The following PDZRN4 variants were observed in gnomAD, a reference collection of about 807,000 sequenced individuals.
PDZRN4 encodes the protein PDZ domain containing ring finger 4, also known as PDZ domain-containing RING finger protein 4.
Under a neutral mutation model 99.0 loss-of-function variants are expected in PDZRN4, and 70 were observed. That is an observed-to-expected ratio of 0.71 (90% CI 0.58 to 0.86). The LOEUF (loss-of-function observed/expected upper bound fraction) is 0.86. Ranked by LOEUF, PDZRN4 falls within the 40% of genes least tolerant of loss-of-function variation. The pLI is 0.00. For missense variants in PDZRN4, 1,474 were observed against 1,331.2 expected (o/e 1.11, Z -1.67); for synonymous variants, 551 against 501.6 (o/e 1.10, Z -1.32).
At chr12:41,440,402 C>T (rs1952668671) in intron 3 of PDZRN4, among the ~76,000 whole-genome samples, 1 of 152,042 alleles carries the variant, frequency 6.6e-6, no homozygotes, top group African/African-American at 2.4e-5. Flanking sequence ...AACTTTTCCA[C>T]GTTTTCTTTC....
Position 41,539,097 on chromosome 12 carries a change from G to GTA in PDZRN4, c.1204-13547_1204-13546dup, listed in dbSNP as rs150428112. On this transcript the variant is annotated intron_variant, in intron 5 of 9. Transcript: ENST00000402685. ...TTATGCCAATAAGTGATATATGTGT[G>GTA]TATATATATATATTATGCGTAAATA... is the stretch of plus-strand genomic sequence containing the variant. Among the ~76,000 whole-genome samples, 1,342 of 150,852 alleles carry GTA rather than the reference G, an allele frequency of 8.9e-3. 51 individuals carry two copies. In the East Asian group the frequency reaches 0.14, roughly 15 times the overall value.
At chr12:41,319,522 G>A (rs1192953618) in intron 3 of PDZRN4, among the ~76,000 whole-genome samples, 4 of 151,970 alleles carry the variant, frequency 2.6e-5, no homozygotes, top group Admixed American at 6.6e-5. Context: ...ACCAGCCACC[G>A]CTCCTCCTCA....
At position 41,570,579 on chromosome 12, in the gene PDZRN4, G is replaced by A. The variant is rs11181010; in HGVS notation, c.1585-1785G>A. On this transcript the variant is annotated intron_variant, in intron 9 of 9. Transcript: ENST00000402685. The stretch of plus-strand genomic sequence containing the variant: ...TTTGTCATTATTATGTCATCTGCAT[G>A]TAAAATAAGAAAAAAATTACTAGTC... Among the ~76,000 whole-genome samples the A allele has an allele frequency of 8.0e-3, 1,213 of 152,138 alleles. 44 individuals carry two copies. The East Asian group carries it at 0.14, about 17-fold the overall frequency.
chr12:41,322,684 G>A (rs902373208), intron 3 of PDZRN4, among the ~76,000 whole-genome samples: 1 of 151,550 alleles, frequency 6.6e-6, no homozygotes, highest in Admixed American at 6.6e-5. Flanking sequence ...TTTTAGTAGA[G>A]ACAGGTTTTC....
chr12:41,563,083 G>A (rs1008096921), intron 7 of PDZRN4, among the ~76,000 whole-genome samples: 3 of 152,184 alleles, frequency 2.0e-5, no homozygotes, highest in African/African-American at 7.2e-5. Flanking sequence ...AATGCAATCA[G>A]CAGTGGCCTG....
At chr12:41,430,477 A>AAAAG (rs370641578) in intron 3 of PDZRN4, among the ~76,000 whole-genome samples, 1 of 151,994 alleles carries the variant, frequency 6.6e-6, no homozygotes, top group Non-Finnish European at 1.5e-5. Context: ...AAAAAAAAAA[A>AAAAG]AAAGAAAGAA....
chr12:41,377,975 C>T (rs1216529950), intron 3 of PDZRN4, among the ~76,000 whole-genome samples: 2 of 152,020 alleles, frequency 1.3e-5, no homozygotes, highest in African/African-American at 4.8e-5. Flanking sequence ...CCATGTATTT[C>T]TTCTTCTTGC....
rs1393983930 is a variant in PDZRN4, at chr12:41,572,506, A to ACCC, written c.1729_1731dup (p.Pro577dup). ...TCAGAGCAGGAGAATGCAGCCGAGGACCCCAATAGCACATCTTTGAAGAGC... is the reference window on the plus strand; with the variant it reads ...TCAGAGCAGGAGAATGCAGCCGAGGACCCCCCCAATAGCACATCTTTGAAGAGC... On this transcript the variant is annotated inframe_insertion, in exon 10 of 10. Coordinates refer to ENST00000402685, the MANE Select transcript of PDZRN4 (RefSeq NM_001164595.2). 1.9e-6 allele frequency: 3 copies of ACCC among 1,613,930 alleles called. No homozygotes were observed. Among genetic ancestry groups the ACCC allele is most frequent in the Admixed American group, 3.3e-5 (2 of 59,968 alleles).
intron 3 of PDZRN4, among the ~76,000 whole-genome samples, chr12:41,469,208 G>A (rs929163035): frequency 6.6e-6 from 1 of 152,078 alleles, no homozygotes; most frequent in East Asian, 1.9e-4. Flanking sequence ...ACATTATTTT[G>A]CTTGAATAGC....
At chr12:41,428,249 T>C (rs1395168495) in intron 3 of PDZRN4, among the ~76,000 whole-genome samples, 1 of 152,178 alleles carries the variant, frequency 6.6e-6, no homozygotes, top group East Asian at 1.9e-4. Context: ...CTCTAGAATA[T>C]CTAAGAAGGA....
intron 3 of PDZRN4, among the ~76,000 whole-genome samples, chr12:41,394,932 G>T (rs1383210604): frequency 6.6e-6 from 1 of 152,078 alleles, no homozygotes; most frequent in Non-Finnish European, 1.5e-5. Context: ...TTATTCATTA[G>T]AAGTGAATGT....
At chr12:41,238,977 G>A (rs556374843) in intron 3 of PDZRN4, among the ~76,000 whole-genome samples, 1 of 152,124 alleles carries the variant, frequency 6.6e-6, no homozygotes, top group East Asian at 1.9e-4. Flanking sequence ...ATACCCAAAG[G>A]ACTAGAGGTC....
intron 6 of PDZRN4, among the ~76,000 whole-genome samples, 189 bp from the exon 7 acceptor site, chr12:41,555,509 C>A (rs1361391341): frequency 6.6e-6 from 1 of 152,060 alleles, no homozygotes; most frequent in East Asian, 1.9e-4. Context: ...TATTCATGTT[C>A]ATTCTAAAAT....
chr12:41,439,241 C>A (rs571982808), intron 3 of PDZRN4, among the ~76,000 whole-genome samples: 3 of 152,068 alleles, frequency 2.0e-5, no homozygotes, highest in East Asian at 1.9e-4. Flanking sequence ...GGGGCAATAC[C>A]TTTTGCTTCA....
intron 3 of PDZRN4, among the ~76,000 whole-genome samples, chr12:41,403,925 A>G (rs12826692): frequency 0.049 from 7,478 of 152,258 alleles, 230 homozygotes; most frequent in Non-Finnish European, 0.075. Context: ...TGTGATAAGA[A>G]GGGAGTACAG....
chr12:41,257,313 C>T (rs1018461566), intron 3 of PDZRN4, among the ~76,000 whole-genome samples: 1 of 152,164 alleles, frequency 6.6e-6, no homozygotes, highest in Admixed American at 6.5e-5. Context: ...TCATTGTTTC[C>T]TCACATGGTG....
chr12:41,280,413 C>T (rs1951375845), intron 3 of PDZRN4, among the ~76,000 whole-genome samples: 1 of 152,168 alleles, frequency 6.6e-6, no homozygotes, highest in African/African-American at 2.4e-5. Flanking sequence ...GCCAAGTAGT[C>T]TTCCTCAGCG....
chr12:41,190,997 A>C (rs1013127707), intron 1 of PDZRN4, among the ~76,000 whole-genome samples: 1 of 152,236 alleles, frequency 6.6e-6, no homozygotes, highest in Non-Finnish European at 1.5e-5. Context: ...GAATGTTATG[A>C]CTATAATTTA....
At chr12:41,286,390 C>G (rs1951423199) in intron 3 of PDZRN4, among the ~76,000 whole-genome samples, 1 of 135,178 alleles carries the variant, frequency 7.4e-6, no homozygotes. Flanking sequence ...GAGCCCACTG[C>G]AGACTTTAGC....
Sources: allele counts gnomAD v4.1 joint callset (sites outside exome capture counted in the v4.1 genomes callset), GRCh38; gene constraint gnomAD v4.1.1; transcripts MANE v1.5; gene names NCBI Gene and HGNC (gene_info 2026-07-23, HGNC 2026-07-21).